TTN: variants seen among roughly 807,000 people sequenced by gnomAD.
TTN encodes the protein titin.
TTN carries 1,525 observed loss-of-function variants against 3,223.0 expected under a neutral mutation model. The ratio of observed to expected loss-of-function variants is 0.47; its 90% CI spans 0.45 to 0.49. TTN has a LOEUF of 0.49. Among genes scored for constraint, TTN ranks in the 20% least tolerant of loss-of-function variants. The pLI, the probability that TTN is intolerant of heterozygous loss-of-function variation, is 0.00. For missense variants in TTN, 40,786 were observed against 43,424.0 expected (o/e 0.94, Z 5.40); for synonymous variants, 14,094 against 15,161.0 (o/e 0.93, Z 5.17).
chr2:178,597,795 G>A lies in TTN; in HGVS notation c.57287C>T (p.Ala19096Val), dbSNP rs1559650624. 1.2e-6 allele frequency: 2 copies of A among 1,613,148 alleles called. No homozygotes were observed. Among genetic ancestry groups the A allele is most frequent in the Admixed American group, 3.3e-5 (2 of 59,940 alleles). Residue 19096 changes from alanine (A) to valine (V), a missense_variant, in exon 294 of 363, where the codon GCC (alanine) becomes GTC (valine). Ala to Val is a moderately conservative substitution (Grantham distance 64, BLOSUM62 0). Coordinates refer to ENST00000589042, the MANE Select transcript of TTN (RefSeq NM_001267550.2). Reference protein sequence around the residue: ...RLVSPDLQLDASVRDRIVVHA... With the variant: ...RLVSPDLQLDVSVRDRIVVHA... ...GACAACAATTCTATCTCTGACACTGGCATCTAGCTGAAGGTCAGGTGAAAC... is the reference window on the plus strand; with the variant it reads ...GACAACAATTCTATCTCTGACACTGACATCTAGCTGAAGGTCAGGTGAAAC...
chr2:178,599,813 A>C lies in TTN; in HGVS notation c.56088T>G (p.Val18696=). The change falls in exon 289 of 363, where the codon GTT becomes GTG. Residue 18696 remains valine, a synonymous_variant. Transcript: ENST00000589042. ...CAATGTTAACATTGGTTCCTTCTTC[A>C]ACCTCCATGAATTCTTTTAGATCAA... is the stretch of plus-strand genomic sequence containing the variant. ...PSIDLKEFME[V]EEGTNVNIVA... is the part of the protein sequence containing the mutation. The C allele has an allele frequency of 6.2e-7, 1 of 1,602,140 alleles. No homozygotes were observed.
Position 178,584,771 on chromosome 2 carries a change from G to A in TTN, c.64870C>T (p.Leu21624=). 2 of 1,613,496 alleles carry A rather than the reference G, an allele frequency of 1.2e-6. No homozygotes were observed. The highest frequency in any genetic ancestry group is 1.7e-6 in the Non-Finnish European group (2 of 1,179,568). Residue 21624 remains leucine (L), a synonymous_variant, in exon 310 of 363, where the codon CTG becomes TTG. Transcript: ENST00000589042. ...VTKTSCRVGK[L]IPGQEYIFRV... ...AAGATGTACTCCTGGCCTGGGATCA[G>A]CTTTCCAACCCTGCAGGAAGTTTTT...
rs763695128 is a variant in TTN at position 178,607,852 on chromosome 2, A to T, written c.52935T>A (p.Ser17645Arg). ...REGADYKLRV[S>R]AVNAAGEGPP... Reference sequence around the variant, plus strand: ...GTCCTTCCCCTGCGGCATTGACAGCACTCACCCGAAGTTTGTAATCAGCAC... The same window carrying T: ...GTCCTTCCCCTGCGGCATTGACAGCTCTCACCCGAAGTTTGTAATCAGCAC... The change falls in exon 276 of 363, where the codon AGT becomes AGA. Residue 17645 changes from serine (S) to arginine (R), a missense_variant. Ser to Arg is a moderately radical substitution (Grantham distance 110). Coordinates refer to ENST00000589042, the MANE Select transcript of TTN (RefSeq NM_001267550.2). 2.5e-6 allele frequency: 4 copies of T among 1,613,006 alleles called. No individual in the cohort carries two copies. Among genetic ancestry groups the T allele is most frequent in the Non-Finnish European group, 3.4e-6 (4 of 1,179,338 alleles).
intron 119 of TTN, 104 bp downstream of exon 119, chr2:178,693,505 C>A: frequency 1.2e-6 from 1 of 833,692 alleles, no homozygotes; most frequent in Non-Finnish European, 1.8e-6. Flanking sequence ...TAGGTATGCA[C>A]ACTGTGACTA....
intron 67 of TTN, 71 bp from the exon 68 acceptor site, chr2:178,727,934 A>T: frequency 2.0e-6 from 3 of 1,467,372 alleles, no homozygotes; most frequent in Non-Finnish European, 2.7e-6. Flanking sequence ...TTTTATGGAC[A>T]TTTAAGAAAA....
rs1166865917 is a variant in TTN at position 178,684,283 on chromosome 2, A to G, written c.32722+47T>C. The G allele has an allele frequency of 1.9e-6, 3 of 1,582,912 alleles. No individual in the cohort carries two copies. The South Asian group carries it at 3.4e-5, about 18-fold the overall frequency. On this transcript the variant is annotated intron_variant, in intron 132 of 362. Coordinates refer to ENST00000589042, the MANE Select transcript of TTN (RefSeq NM_001267550.2). Reference sequence around the variant, plus strand: ...CCCATAACCAGTGTATTTGGTAAAGAGAGTAGGGCAAGTACAATATTGTGC... The same window carrying G: ...CCCATAACCAGTGTATTTGGTAAAGGGAGTAGGGCAAGTACAATATTGTGC...
chr2:178,692,730 G>A (rs1388319225), intron 119 of TTN, 150 bp from the exon 120 acceptor site: 1 of 586,780 alleles, frequency 1.7e-6, no homozygotes, highest in Non-Finnish European at 2.8e-6. Flanking sequence ...GAAGATGGCT[G>A]AATGGCTAAT....
rs1256094909 is a variant in TTN at position 178,576,646 on chromosome 2, T to C, written c.69598A>G (p.Lys23200Glu). 1 of 1,613,510 alleles carries C rather than the reference T, an allele frequency of 6.2e-7. No individual in the cohort carries two copies. Among genetic ancestry groups the C allele is most frequent in the African/African-American group, 1.3e-5 (1 of 74,906 alleles). Residue 23200 changes from lysine (K) to glutamate (E), a missense_variant, in exon 325 of 363, where the codon AAA becomes GAA. Lys to Glu is a moderately conservative substitution (Grantham distance 56, BLOSUM62 1). Coordinates refer to ENST00000589042, the MANE Select transcript of TTN (RefSeq NM_001267550.2). The surrounding 1 kb of genome is among the most constrained non-coding windows in gnomAD (Gnocchi z 4.3). ...IKTPVSDLRC[K>E]VTGLQEGSTY... ...CTTCCTTCTTGCAGTCCTGTTACTT[T>C]GCACCTGAGATCGGAAACTGGTGTT...
At chr2:178,671,236 C>G (rs987658246) in intron 155 of TTN, 66 bp from the exon 156 acceptor site, 1 of 1,180,760 alleles carries the variant, frequency 8.5e-7, no homozygotes. Flanking sequence ...CTACTACTAA[C>G]GTTAGTACAA....
chr2:178,687,605 T>A lies in TTN; in HGVS notation c.32311+506A>T, dbSNP rs529246962. ...CTCATTTTAAAACATTTTAAGACAT[T>A]ATAGTGACTTCTGCAATTGACTTAA... On this transcript the variant is annotated intron_variant, in intron 127 of 362. Coordinates refer to ENST00000589042, the MANE Select transcript of TTN (RefSeq NM_001267550.2). Among the ~76,000 whole-genome samples the A allele has an allele frequency of 2.6e-5, 4 of 152,264 alleles. No individual in the cohort carries two copies. In the East Asian group the frequency reaches 7.7e-4, roughly 29 times the overall value.
chr2:178,775,558 C>T lies in TTN; in HGVS notation c.6306G>A (p.Val2102=). Residue 2102 remains valine, a synonymous_variant, in exon 28 of 363, where the codon GTG becomes GTA. Transcript: ENST00000589042. The part of the protein sequence containing the change: ...GSDAHFRVRV[V]GKPDPECEWY... ...ATTCACATTCGGGGTCTGGTTTCCC[C>T]ACGACTCTGACCCGGAAGTGTGCAT... 6.2e-7 allele frequency: 1 copy of T among 1,614,026 alleles called. No individual in the cohort carries two copies. Among genetic ancestry groups the T allele is most frequent in the Non-Finnish European group, 8.5e-7 (1 of 1,179,982 alleles).
chr2:178,571,310 A>G lies in TTN; in HGVS notation c.74822T>C (p.Ile24941Thr), dbSNP rs1222996660. 8 of 1,613,354 alleles carry G rather than the reference A, an allele frequency of 5.0e-6. No homozygotes were observed. In the Admixed American group the frequency reaches 6.7e-5, roughly 13 times the overall value. ...EPISDGGSRVIGYHLERKERN... is the reference protein window; with the variant it reads ...EPISDGGSRVTGYHLERKERN... Reference sequence around the variant, plus strand: ...TTCCTTGCGTTCTAGATGATAGCCAATGACTCTACTTCCTCCATCACTGAT... The same window carrying G: ...TTCCTTGCGTTCTAGATGATAGCCAGTGACTCTACTTCCTCCATCACTGAT... Residue 24941 changes from isoleucine to threonine, a missense_variant, in exon 326 of 363, where the codon ATT becomes ACT. Coordinates refer to ENST00000589042, the MANE Select transcript of TTN (RefSeq NM_001267550.2).
chr2:178,758,039 C>T, intron 44 of TTN, 123 bp from the exon 45 acceptor site: 2 of 1,046,410 alleles, frequency 1.9e-6, no homozygotes, highest in Non-Finnish European at 1.3e-6. Context: ...ACTCCTACTG[C>T]CTTGTCCTTG....
At chr2:178,758,426 G>A (rs1219352455) in intron 44 of TTN, among the ~76,000 whole-genome samples, 1 of 152,122 alleles carries the variant, frequency 6.6e-6, no homozygotes, top group African/African-American at 2.4e-5. Context: ...TGTTACTGAG[G>A]AAGTGTTTCT....
rs769569050 is a variant in TTN, at chr2:178,751,840, C to T, written c.11311+1284G>A. On this transcript the variant is annotated intron_variant, in intron 47 of 362. Transcript: ENST00000589042. ...CAATTAATCTACATGTAAAAACAAC[C>T]GGTTCACCCTCTAAAACATATTTAA... 6.5e-5 allele frequency: 105 copies of T among 1,612,750 alleles called. No individual in the cohort carries two copies. Among genetic ancestry groups the T allele is most frequent in the South Asian group, 1.4e-4 (13 of 90,972 alleles).
chr2:178,783,818 C>T (rs2092970512), intron 16 of TTN, 33 bp from the exon 17 acceptor site: 1 of 1,579,170 alleles, frequency 6.3e-7, no homozygotes, highest in Non-Finnish European at 8.7e-7. Context: ...ACAAAATGCT[C>T]ATGAAATTAA....
At position 178,584,943 on chromosome 2, in the gene TTN, T is replaced by A. The variant is rs1060503935; in HGVS notation, c.64698A>T (p.Pro21566=). 2 of 1,613,162 alleles carry A rather than the reference T, an allele frequency of 1.2e-6. No homozygotes were observed. The highest frequency in any genetic ancestry group is 1.1e-5 in the South Asian group (1 of 91,044). ...VMDAPGPPQP[P]FDISDIDADA... is the part of the protein sequence containing the mutation. ...CAGCGTCTATATCAGAAATGTCAAA[T>A]GGAGGCTGAGGGGGGCCGGGGGCAT... Residue 21566 remains proline (P), a synonymous_variant, in exon 310 of 363, where the codon CCA becomes CCT. Coordinates refer to ENST00000589042, the MANE Select transcript of TTN (RefSeq NM_001267550.2).
intron 47 of TTN, chr2:178,747,167 C>T (rs1447209406): frequency 6.2e-7 from 1 of 1,609,490 alleles, no homozygotes; most frequent in Non-Finnish European, 8.5e-7. Context: ...TAGAGTCTCT[C>T]CTGGGGGTGT....
At chr2:178,578,359 T>C (rs565592381) in intron 321 of TTN, among the ~76,000 whole-genome samples, 174 bp from the exon 322 acceptor site, 25 of 152,176 alleles carry the variant, frequency 1.6e-4, no homozygotes, top group African/African-American at 5.8e-4. Context: ...TCTTGGAATA[T>C]GCATAGTTGT....
Sources: gnomAD v4.1 joint callset for allele counts (sites outside exome capture counted in the v4.1 genomes callset) on GRCh38, gnomAD v4.1.1 for gene constraint, Gnocchi (gnomAD v3.1) non-coding constraint, MANE v1.5 for transcripts, NCBI Gene and HGNC (gene_info 2026-07-23, HGNC 2026-07-21) for gene names.